SLC4A8: variants seen among roughly 807,000 people sequenced by gnomAD.
SLC4A8 encodes solute carrier family 4 member 8, also known as electroneutral sodium bicarbonate exchanger 1.
A neutral mutation model predicts 125.0 loss-of-function variants in SLC4A8; 40 were observed. The ratio of observed to expected loss-of-function variants is 0.32; its 90% confidence interval spans 0.25 to 0.42. SLC4A8 has a LOEUF of 0.42. Among genes scored for constraint, SLC4A8 ranks in the 10% least tolerant of loss-of-function variants. The probability of loss-of-function intolerance (pLI) is 1.00; values close to 1 mark genes in which losing one functional copy is unlikely to be tolerated. For synonymous variants in SLC4A8, 456 were observed against 476.0 expected (o/e 0.96, Z 0.55); for missense variants, 863 against 1,355.1 (o/e 0.64, Z 5.70).
rs1938319540 is a variant in SLC4A8 at position 51,510,282 on chromosome 12, CT to C, written c.*2845del. The C allele has an allele frequency of 6.6e-6, 1 of 152,222 alleles. No homozygotes were observed. The highest frequency in any genetic ancestry group is 1.5e-5 in the Non-Finnish European group (1 of 68,134). 9.4% of individuals were successfully genotyped at this position (152,222 alleles called of 1,614,324 possible). On this transcript the variant is annotated 3_prime_UTR_variant, in exon 25 of 25. Transcript: ENST00000453097. ...TCTACTAAAAATACAAAAAAATTAG[CT>C]GGGCATGGTGGCGGGCGCCTGTAGT...
intron 16 of SLC4A8, chr12:51,480,582 C>T (rs1951001097): frequency 1.0e-6 from 1 of 983,010 alleles, no homozygotes; most frequent in Non-Finnish European, 1.2e-6. Flanking sequence ...TGTATGGAAT[C>T]CCAATGAATG....
intron 1 of SLC4A8, among the ~76,000 whole-genome samples, chr12:51,399,083 C>T: frequency 6.6e-6 from 1 of 152,120 alleles, no homozygotes; most frequent in Non-Finnish European, 1.5e-5. Context: ...TGAAAAATCA[C>T]AAATTTCATT....
intron 7 of SLC4A8, among the ~76,000 whole-genome samples, chr12:51,459,477 T>A (rs780488405): frequency 3.3e-5 from 5 of 152,068 alleles, no homozygotes; most frequent in Non-Finnish European, 4.4e-5. Context: ...GTGGGACGAA[T>A]ACAATCTGTC....
At position 51,426,231 on chromosome 12, in the gene SLC4A8, A is replaced by G. The variant is rs1223604907; in HGVS notation, c.48+1196A>G. 2.0e-5 allele frequency among the ~76,000 whole-genome samples: 3 copies of G among 152,356 alleles called. No homozygotes were observed. The East Asian group carries it at 5.8e-4, about 29-fold the overall frequency. Reference sequence around the variant, plus strand: ...AATAGTTTGCTACAATTAATAGAAGATACATCCTTCTTTCCTTGCTCTGTC... The same window carrying G: ...AATAGTTTGCTACAATTAATAGAAGGTACATCCTTCTTTCCTTGCTCTGTC... On this transcript the variant is annotated intron_variant, in intron 1 of 24. Transcript: ENST00000453097.
rs557013220 is a variant in SLC4A8 at position 51,507,600 on chromosome 12, A to G, written c.*162A>G. 8.1e-6 allele frequency: 4 copies of G among 492,744 alleles called. No homozygotes were observed. Among genetic ancestry groups the G allele is most frequent in the East Asian group, 3.2e-5 (1 of 31,738 alleles). The allele number at this position is 492,744 out of a possible 1,614,324, so 30.5% of individuals were successfully genotyped here. The stretch of plus-strand genomic sequence containing the variant: ...AAGCATTCAGTTATTCTTGGTGTGC[A>G]TTGGAAGGCATCCAGCTATCCCCAT... On this transcript the variant is annotated 3_prime_UTR_variant, in exon 25 of 25. Transcript: ENST00000453097.
intron 22 of SLC4A8, among the ~76,000 whole-genome samples, chr12:51,498,313 A>C (rs1937660800): frequency 6.6e-6 from 1 of 152,080 alleles, no homozygotes; most frequent in South Asian, 2.1e-4. Flanking sequence ...AATAATATGA[A>C]ATTGAAATGA....
intron 1 of SLC4A8, among the ~76,000 whole-genome samples, chr12:51,431,244 C>T (rs1235131539): frequency 2.0e-5 from 3 of 152,202 alleles, no homozygotes; most frequent in African/African-American, 7.2e-5. Context: ...ACTGAGATTA[C>T]ATAATGGTTT....
Position 51,489,853 on chromosome 12 carries a change from G to A in SLC4A8, c.2602G>A (p.Glu868Lys). 6.2e-7 allele frequency: 1 copy of A among 1,614,214 alleles called. No homozygotes were observed. The highest frequency in any genetic ancestry group is 8.5e-7 in the Non-Finnish European group (1 of 1,180,032). Residue 868 changes from glutamate to lysine, a missense_variant, in exon 19 of 25, where the codon GAA becomes AAA. By Grantham distance (56) the Glu-to-Lys change is moderately conservative. Transcript: ENST00000453097. ...KLESECSAPGEQPKFLGIREQ... is the reference protein window; with the variant it reads ...KLESECSAPGKQPKFLGIREQ... ...AGAATCTGAATGCTCTGCTCCTGGA[G>A]AACAGCCCAAGTTCCTGGGCATCCG...
chr12:51,436,825 C>T (rs1017603384), intron 1 of SLC4A8, among the ~76,000 whole-genome samples: 3 of 152,096 alleles, frequency 2.0e-5, no homozygotes, highest in Middle Eastern at 3.2e-3. Context: ...TGGGGTTTCA[C>T]CATGTTGGCC....
At chr12:51,413,948 T>G (rs995912449) in intron 1 of SLC4A8, among the ~76,000 whole-genome samples, 9 of 152,242 alleles carry the variant, frequency 5.9e-5, no homozygotes, top group African/African-American at 2.2e-4. Context: ...TTTTTTCTAT[T>G]TCTGTGACGA....
chr12:51,512,677 ATGTG>A lies in SLC4A8; in HGVS notation c.*5243_*5246del, dbSNP rs1349971576. 6.6e-6 allele frequency: 1 copy of A among 152,168 alleles called. No individual in the cohort carries two copies. 9.4% of individuals were successfully genotyped at this position (152,168 alleles called of 1,614,324 possible). ...TGTGTGTGCATGCGTGTGCATTTGC[ATGTG>A]TGTATGTTGACAAATGAGAGTGTAG... is the stretch of plus-strand genomic sequence containing the variant. On this transcript the variant is annotated 3_prime_UTR_variant, in exon 25 of 25. Coordinates refer to ENST00000453097, the MANE Select transcript of SLC4A8 (RefSeq NM_001039960.3).
chr12:51,484,429 G>A (rs553260009), intron 16 of SLC4A8, among the ~76,000 whole-genome samples: 1 of 152,342 alleles, frequency 6.6e-6, no homozygotes, highest in Admixed American at 6.5e-5. Context: ...CCCCTGGGAT[G>A]TACGTGCCGT....
chr12:51,462,004 T>C lies in SLC4A8; in HGVS notation c.1102-306T>C, dbSNP rs115369557. On this transcript the variant is annotated intron_variant, in intron 9 of 24. Transcript: ENST00000453097. ...GGAAAGCTGATTAAAATTTTTTTTT[T>C]CATATATCTTGCCTTTCCTTCCATC... The C allele has an allele frequency of 4.3e-3, 930 of 214,692 alleles. 15 individuals carry two copies. Among genetic ancestry groups the C allele is most frequent in the African/African-American group, 0.02 (849 of 43,046 alleles). 13.3% of individuals were successfully genotyped at this position (214,692 alleles called of 1,614,324 possible). A position where few individuals can be genotyped will look rare whatever the true frequency, so the allele number is the denominator to read the frequency against.
At chr12:51,418,502 A>AT (rs895167230) in intron 1 of SLC4A8, among the ~76,000 whole-genome samples, 10 of 151,962 alleles carry the variant, frequency 6.6e-5, no homozygotes, top group African/African-American at 2.4e-4. Flanking sequence ...TTAAGATTGT[A>AT]TTTTTTCCTC....
In SLC4A8 at chr12:51,453,679, A is replaced by G; in HGVS notation, c.554A>G (p.Asn185Ser). ...NGTVLLDMHA[N>S]SIEEISDLIL... Reference sequence around the variant, plus strand: ...ACAGTCCTCCTGGATATGCATGCAAATAGCATAGAAGAAATTTCAGGTAAG... The same window carrying G: ...ACAGTCCTCCTGGATATGCATGCAAGTAGCATAGAAGAAATTTCAGGTAAG... The change falls in exon 5 of 25, where the codon AAT becomes AGT. Residue 185 changes from asparagine (N) to serine (S), a missense_variant. Coordinates refer to ENST00000453097, the MANE Select transcript of SLC4A8 (RefSeq NM_001039960.3). 6.2e-7 allele frequency: 1 copy of G among 1,613,890 alleles called. No homozygotes were observed. Among genetic ancestry groups the G allele is most frequent in the East Asian group, 2.2e-5 (1 of 44,890 alleles).
chr12:51,482,252 A>T (rs541665273), intron 16 of SLC4A8, among the ~76,000 whole-genome samples: 1 of 152,228 alleles, frequency 6.6e-6, no homozygotes. Flanking sequence ...TATTGATTAC[A>T]TACTGAAATG....
In SLC4A8 at chr12:51,416,694, A is replaced by G. The variant is rs188536682; in HGVS notation, c.-111-24014A>G. On this transcript the variant is annotated intron_variant, in intron 1 of 24. Coordinates refer to the SLC4A8 transcript ENST00000358657. ...AATGAACATCTGTAAAGCTTCCACA[A>G]TTGTTAACATTTTGTCATATTTGCT... Among the ~76,000 whole-genome samples the G allele has an allele frequency of 1.9e-3, 286 of 152,224 alleles. 3 individuals are homozygous for G. Among genetic ancestry groups the G allele is most frequent in the Non-Finnish European group, 3.3e-3 (226 of 67,992 alleles).
intron 20 of SLC4A8, among the ~76,000 whole-genome samples, chr12:51,494,189 T>C (rs1056770017): frequency 6.6e-6 from 1 of 151,796 alleles, no homozygotes; most frequent in African/African-American, 2.4e-5. Flanking sequence ...TGGGAGAGGG[T>C]TCATTGGCAG....
intron 5 of SLC4A8, among the ~76,000 whole-genome samples, chr12:51,455,770 C>T (rs780679407): frequency 4.6e-5 from 7 of 152,128 alleles, no homozygotes; most frequent in Non-Finnish European, 1.0e-4. Context: ...GGACATTGGG[C>T]CCCCCTCTTT....
Sources: allele counts gnomAD v4.1 joint callset (sites outside exome capture counted in the v4.1 genomes callset), GRCh38; gene constraint gnomAD v4.1.1; transcripts MANE v1.5; gene names NCBI Gene and HGNC (gene_info 2026-07-23, HGNC 2026-07-21).